The following SLC26A8 variants were observed in gnomAD, a reference collection of about 807,000 sequenced individuals.
SLC26A8 encodes the protein testis anion transporter 1.
In SLC26A8, 70 loss-of-function variants were observed where a neutral mutation model predicts 105.0. That is an observed-to-expected ratio of 0.67 (90% CI 0.55 to 0.81). The LOEUF (loss-of-function observed/expected upper bound fraction) is 0.81, where lower values mean the gene tolerates loss of function less well. Ranked by LOEUF, SLC26A8 falls within the 40% of genes least tolerant of loss-of-function variation. The pLI is 0.00. For synonymous variants in SLC26A8, 415 were observed against 438.3 expected (o/e 0.95, Z 0.66); for missense variants, 998 against 1,181.8 (o/e 0.84, Z 2.28).
intron 3 of SLC26A8, among the ~76,000 whole-genome samples, chr6:36,008,934 G>A (rs1188283168): frequency 6.6e-6 from 1 of 152,216 alleles, no homozygotes; most frequent in Non-Finnish European, 1.5e-5. Context: ...AAGGTAATAT[G>A]TTAAGCCACT....
intron 5 of SLC26A8, among the ~76,000 whole-genome samples, chr6:35,995,983 T>G (rs1317308203): frequency 6.6e-6 from 1 of 152,194 alleles, no homozygotes; most frequent in Non-Finnish European, 1.5e-5. Flanking sequence ...TCTGTTAAAG[T>G]ACCAAATTCA....
intron 7 of SLC26A8, among the ~76,000 whole-genome samples, chr6:35,986,547 A>G (rs1470738220): frequency 6.6e-6 from 1 of 152,090 alleles, no homozygotes; most frequent in East Asian, 1.9e-4. Context: ...TCTACTCTTC[A>G]CTTCAATGAG....
intron 19 of SLC26A8, 58 bp from the exon 20 acceptor site, chr6:35,944,398 C>T: frequency 8.0e-7 from 1 of 1,253,062 alleles, no homozygotes; most frequent in Non-Finnish European, 1.1e-6. Flanking sequence ...CTGCTGAACG[C>T]AGTGGCTCAT....
At chr6:36,022,376 T>G (rs851028) in intron 1 of SLC26A8, among the ~76,000 whole-genome samples, 32,678 of 152,256 alleles carry the variant, frequency 0.21, 4,433 homozygotes, top group South Asian at 0.33. Context: ...TGGTAGCCAC[T>G]GGCTACATGT....
intron 8 of SLC26A8, among the ~76,000 whole-genome samples, chr6:35,977,745 G>A (rs867715806): frequency 6.6e-6 from 1 of 152,100 alleles, no homozygotes. Flanking sequence ...TTGAAGATGA[G>A]GCAATACTTT....
At chr6:36,006,127 C>CT (rs914554089) in intron 3 of SLC26A8, among the ~76,000 whole-genome samples, 5 of 149,884 alleles carry the variant, frequency 3.3e-5, no homozygotes, top group Non-Finnish European at 5.9e-5. Context: ...GCTATGAAAT[C>CT]TTTTTTTTTT....
Position 35,943,767 on chromosome 6 carries a change from G to T in SLC26A8, c.*133C>A. 7.7e-7 allele frequency: 1 copy of T among 1,304,434 alleles called. No individual in the cohort carries two copies. The highest frequency in any genetic ancestry group is 1.0e-6 in the Non-Finnish European group (1 of 965,708). 80.8% of individuals were successfully genotyped at this position (1,304,434 alleles called of 1,614,324 possible). ...CAGCGCAGAGCAAGGAAGAAGGCTGGCAGGTAGTAGGAGTCACAGTCAGGA... is the reference window on the plus strand; with the variant it reads ...CAGCGCAGAGCAAGGAAGAAGGCTGTCAGGTAGTAGGAGTCACAGTCAGGA... On this transcript the variant is annotated 3_prime_UTR_variant, in exon 20 of 20. Coordinates refer to ENST00000490799, the MANE Select transcript of SLC26A8 (RefSeq NM_052961.4).
At chr6:35,946,571 G>T (rs35163131) in intron 19 of SLC26A8, among the ~76,000 whole-genome samples, 2,401 of 152,224 alleles carry the variant, frequency 0.016, 32 homozygotes, top group Middle Eastern at 0.044. Context: ...AATAGAACTT[G>T]CTCCTCTCCT....
intron 3 of SLC26A8, among the ~76,000 whole-genome samples, chr6:36,002,090 AT>A (rs1356045032): frequency 1.3e-5 from 2 of 152,124 alleles, no homozygotes; most frequent in African/African-American, 2.4e-5. Flanking sequence ...TTTTCACCAC[AT>A]TTTTTCCCCT....
chr6:35,964,821 C>T (rs916409912), intron 11 of SLC26A8, among the ~76,000 whole-genome samples: 2 of 150,870 alleles, frequency 1.3e-5, no homozygotes, highest in Admixed American at 1.3e-4. Context: ...CAAAAATTAG[C>T]CAGGCAGTAG....
intron 11 of SLC26A8, among the ~76,000 whole-genome samples, chr6:35,967,172 A>G (rs765520368): frequency 2.8e-4 from 43 of 152,136 alleles, no homozygotes; most frequent in Non-Finnish European, 4.9e-4. Context: ...CTTGGCTCCA[A>G]GGTCCTTGAA....
At chr6:35,997,586 C>G in intron 5 of SLC26A8, 152 bp downstream of exon 5, 1 of 710,918 alleles carries the variant, frequency 1.4e-6, no homozygotes, top group Admixed American at 3.0e-5. Flanking sequence ...ACTAAGGAGA[C>G]ACGCTATTCA....
intron 11 of SLC26A8, among the ~76,000 whole-genome samples, chr6:35,968,609 GTA>G (rs55987809): frequency 0.033 from 1,945 of 59,446 alleles, 22 homozygotes; most frequent in East Asian, 0.053. Context: ...GTGTGTGTGT[GTA>G]TATATATATA....
chr6:35,990,226 C>A (rs781199765), intron 7 of SLC26A8: 7 of 169,210 alleles, frequency 4.1e-5, no homozygotes, highest in Non-Finnish European at 7.5e-5. Context: ...CATGAGCCAC[C>A]GCACCTGGCC....
Position 35,962,522 on chromosome 6 carries a change from TCA to T in SLC26A8, c.1461+2_1461+3del. 1 of 1,612,882 alleles carries T rather than the reference TCA, an allele frequency of 6.2e-7. No individual in the cohort carries two copies. Among genetic ancestry groups the T allele is most frequent in the Non-Finnish European group, 8.5e-7 (1 of 1,179,020 alleles). ...CCTTCCTCAGCCAGGGCATCTACAC[TCA>T]CACAGTCATATTGGTCCTGCCTCCA... On this transcript the variant is annotated splice_donor_variant and splice_donor_region_variant and intron_variant, in intron 12 of 19. Transcript: ENST00000490799. LOFTEE classifies it high-confidence loss of function.
chr6:35,970,455 T>C (rs1324384804), intron 10 of SLC26A8, among the ~76,000 whole-genome samples: 2 of 152,126 alleles, frequency 1.3e-5, no homozygotes, highest in Admixed American at 1.3e-4. Context: ...TCACCATAAC[T>C]GAAACTCAGA....
chr6:35,973,965 G>C (rs1033729320), intron 10 of SLC26A8, among the ~76,000 whole-genome samples: 3 of 152,186 alleles, frequency 2.0e-5, no homozygotes, highest in African/African-American at 7.2e-5. Context: ...ACTCTGCATA[G>C]TTGAGATGGG....
At chr6:35,990,866 A>G (rs1562052114) in intron 7 of SLC26A8, among the ~76,000 whole-genome samples, 2 of 152,168 alleles carry the variant, frequency 1.3e-5, no homozygotes, top group African/African-American at 2.4e-5. Context: ...ATGTTTTTCA[A>G]ACTTAGAATG....
At chr6:35,987,291 T>C (rs917173414) in intron 7 of SLC26A8, among the ~76,000 whole-genome samples, 4 of 152,160 alleles carry the variant, frequency 2.6e-5, no homozygotes, top group Non-Finnish European at 5.9e-5. Context: ...CCACACAAAG[T>C]CCATGGTGGG....
Sources: allele counts gnomAD v4.1 joint callset (sites outside exome capture counted in the v4.1 genomes callset), GRCh38; gene constraint gnomAD v4.1.1; transcripts MANE v1.5; gene names NCBI Gene and HGNC (gene_info 2026-07-23, HGNC 2026-07-21).